Variants in THOC5 observed in about 807,000 individuals in gnomAD.
THOC5 encodes the protein THO complex subunit 5.
THOC5 carries 43 observed loss-of-function variants against 92.9 expected under a neutral mutation model. The observed-to-expected ratio is 0.46, with a 90% CI of 0.36 to 0.60. The LOEUF (loss-of-function observed/expected upper bound fraction) is 0.60. Among genes scored for constraint, THOC5 ranks in the 20% least tolerant of loss-of-function variants. The pLI is 0.00. For missense variants in THOC5, 659 were observed against 849.4 expected (o/e 0.78, Z 2.79); for synonymous variants, 296 against 320.1 (o/e 0.92, Z 0.80).
intron 6 of THOC5, among the ~76,000 whole-genome samples, chr22:29,539,124 A>C (rs1301414712): frequency 6.6e-6 from 1 of 151,568 alleles, no homozygotes; most frequent in Non-Finnish European, 1.5e-5. Context: ...AAAAAAAAAA[A>C]AAAAAAACCC....
At chr22:29,528,550 GC>G (rs1214718103) in intron 9 of THOC5, 84 bp from the exon 10 acceptor site, 1 of 1,370,968 alleles carries the variant, frequency 7.3e-7, no homozygotes, top group Non-Finnish European at 1.0e-6. Context: ...GCATAAAGGG[GC>G]CCTGACTCTG....
At chr22:29,511,406 G>T (rs2063219845) in intron 18 of THOC5, 110 bp from the exon 19 acceptor site, 2 of 1,242,000 alleles carry the variant, frequency 1.6e-6, no homozygotes, top group East Asian at 2.4e-5. Context: ...CTCTGCAGGG[G>T]CTGGGCCAGG....
chr22:29,547,254 T>A (rs967248578), intron 2 of THOC5, among the ~76,000 whole-genome samples: 1 of 152,238 alleles, frequency 6.6e-6, no homozygotes, highest in Non-Finnish European at 1.5e-5. Context: ...GCAAATGTTT[T>A]CAGTCTCTTT....
chr22:29,530,335 A>T (rs1396073989), intron 8 of THOC5, among the ~76,000 whole-genome samples: 2 of 151,978 alleles, frequency 1.3e-5, no homozygotes, highest in African/African-American at 4.8e-5. Context: ...CCTGGCCAAC[A>T]TGGTGAAACT....
Position 29,507,631 on chromosome 22 carries a change from T to C in THOC5, c.*826A>G, listed in dbSNP as rs2063150388. ...GCCTTGGCCTCCCAAAGTGCTGGGA[T>C]TACAGACGTGAGCCACTGCACTCAG... On this transcript the variant is annotated 3_prime_UTR_variant, in exon 20 of 20. Transcript: ENST00000490103. 1 of 152,236 alleles carries C rather than the reference T, an allele frequency of 6.6e-6. No homozygotes were observed. The highest frequency in any genetic ancestry group is 2.1e-4 in the South Asian group (1 of 4,834). The allele number at this position is 152,236 out of a possible 1,614,324, so 9.4% of individuals were successfully genotyped here. A position where few individuals can be genotyped will look rare whatever the true frequency, so the allele number is the denominator to read the frequency against.
At chr22:29,527,271 T>A (rs1392834536) in intron 11 of THOC5, among the ~76,000 whole-genome samples, 1 of 151,984 alleles carries the variant, frequency 6.6e-6, no homozygotes, top group East Asian at 1.9e-4. Context: ...AATACAAAAA[T>A]TAACTGGCAT....
At position 29,538,261 on chromosome 22, in the gene THOC5, C is replaced by T. The variant is rs190679584; in HGVS notation, c.599+1069G>A. Reference sequence around the variant, plus strand: ...CCTCCCAAAGTGCTGGGATTACAGACGTGAGCCACCTCGCCTGGCTGAAGC... The same window carrying T: ...CCTCCCAAAGTGCTGGGATTACAGATGTGAGCCACCTCGCCTGGCTGAAGC... On this transcript the variant is annotated intron_variant, in intron 6 of 19. Coordinates refer to ENST00000490103, the MANE Select transcript of THOC5 (RefSeq NM_003678.5). 2.7e-3 allele frequency among the ~76,000 whole-genome samples: 418 copies of T among 152,184 alleles called. 3 individuals carry two copies. Among genetic ancestry groups the T allele is most frequent in the African/African-American group, 9.6e-3 (397 of 41,542 alleles).
chr22:29,519,215 G>A, intron 14 of THOC5, 95 bp from the exon 15 acceptor site: 1 of 768,090 alleles, frequency 1.3e-6, no homozygotes, highest in Non-Finnish European at 2.2e-6. Context: ...GCGGCACCCT[G>A]GATTATCCAT....
chr22:29,520,696 A>T (rs569490165), intron 13 of THOC5, among the ~76,000 whole-genome samples: 1 of 152,090 alleles, frequency 6.6e-6, no homozygotes, highest in African/African-American at 2.4e-5. Flanking sequence ...GGGTTTTGCC[A>T]TGTTGCCCAG....
At chr22:29,528,805 G>T in intron 9 of THOC5, 2 of 490,092 alleles carry the variant, frequency 4.1e-6, no homozygotes, top group South Asian at 2.7e-5. Flanking sequence ...AACTTGAGGG[G>T]GTACTATGTG....
At chr22:29,539,765 C>T (rs755918580) in intron 5 of THOC5, among the ~76,000 whole-genome samples, 4 of 152,154 alleles carry the variant, frequency 2.6e-5, no homozygotes, top group African/African-American at 4.8e-5. Context: ...AGCAGGAGAA[C>T]TACTAGCTAA....
chr22:29,531,532 TG>T, intron 8 of THOC5: 2 of 1,127,404 alleles, frequency 1.8e-6, no homozygotes, highest in Non-Finnish European at 2.2e-6. Flanking sequence ...CGTGCCTTGA[TG>T]GGGTGAGCAC....
chr22:29,542,297 A>G (rs2063913421), intron 5 of THOC5, among the ~76,000 whole-genome samples: 1 of 152,186 alleles, frequency 6.6e-6, no homozygotes, highest in Admixed American at 6.5e-5. Context: ...CCTGATAGGG[A>G]GAGAGACCTG....
At chr22:29,520,735 A>G (rs2063424854) in intron 13 of THOC5, among the ~76,000 whole-genome samples, 1 of 152,234 alleles carries the variant, frequency 6.6e-6, no homozygotes, top group South Asian at 2.1e-4. Context: ...AGCTCAAGGA[A>G]TCCACCTGCT....
intron 5 of THOC5, among the ~76,000 whole-genome samples, chr22:29,540,191 G>C (rs759288269): frequency 9.2e-5 from 14 of 152,114 alleles, no homozygotes; most frequent in Non-Finnish European, 2.1e-4. Flanking sequence ...AGAATCGCTC[G>C]AACCCAGGAG....
intron 5 of THOC5, among the ~76,000 whole-genome samples, chr22:29,540,258 C>T (rs527327072): frequency 2.0e-5 from 3 of 152,214 alleles, no homozygotes; most frequent in South Asian, 4.1e-4. Flanking sequence ...GGAGACAGAG[C>T]GAGACTCCAT....
chr22:29,534,185 T>A (rs2063708841), intron 7 of THOC5, among the ~76,000 whole-genome samples: 1 of 152,208 alleles, frequency 6.6e-6, no homozygotes, highest in African/African-American at 2.4e-5. Flanking sequence ...CATAGGAGTA[T>A]ATACTATGAT....
At chr22:29,542,244 C>T (rs2063912272) in intron 5 of THOC5, among the ~76,000 whole-genome samples, 1 of 152,084 alleles carries the variant, frequency 6.6e-6, no homozygotes, top group African/African-American at 2.4e-5. Flanking sequence ...GTGAGTTGCT[C>T]CCATACAACA....
intron 7 of THOC5, among the ~76,000 whole-genome samples, chr22:29,533,143 A>G (rs771947255): frequency 1.4e-4 from 22 of 152,238 alleles, no homozygotes; most frequent in African/African-American, 2.7e-4. Flanking sequence ...TGCAGATTCA[A>G]TGCAATCCCT....
Sources: allele counts gnomAD v4.1 joint callset (sites outside exome capture counted in the v4.1 genomes callset), GRCh38; gene constraint gnomAD v4.1.1; transcripts MANE v1.5; gene names NCBI Gene and HGNC (gene_info 2026-07-23, HGNC 2026-07-21).